The following IDE variants were observed in gnomAD, a reference collection of about 807,000 sequenced individuals.
IDE encodes the protein insulin degrading enzyme.
In IDE, 58 loss-of-function variants were observed where a neutral mutation model predicts 133.2. The ratio of observed to expected loss-of-function variants is 0.44; its 90% CI spans 0.35 to 0.54. The LOEUF (loss-of-function observed/expected upper bound fraction) is 0.54, where lower values mean the gene tolerates loss of function less well. Among genes scored for constraint, IDE ranks in the 20% least tolerant of loss-of-function variants. The probability of loss-of-function intolerance (pLI) is 0.00; values close to 1 mark genes in which losing one functional copy is unlikely to be tolerated. For missense variants in IDE, 981 were observed against 1,234.0 expected (o/e 0.79, Z 3.07); for synonymous variants, 396 against 421.3 (o/e 0.94, Z 0.73).
intron 1 of IDE, among the ~76,000 whole-genome samples, chr10:92,555,945 G>A (rs981484324): frequency 7.3e-5 from 11 of 151,426 alleles, no homozygotes; most frequent in South Asian, 4.2e-4. Flanking sequence ...AGGCCGAGGC[G>A]GGTGGATCAC....
At chr10:92,552,380 G>T (rs895147529) in intron 1 of IDE, among the ~76,000 whole-genome samples, 1 of 152,172 alleles carries the variant, frequency 6.6e-6, no homozygotes, top group Non-Finnish European at 1.5e-5. Flanking sequence ...GGCTACAATT[G>T]TGGTACTAAG....
In IDE at chr10:92,574,030, A is replaced by G; in HGVS notation, c.-11T>C. The G allele has an allele frequency of 6.6e-7, 1 of 1,508,508 alleles. No individual in the cohort carries two copies. Among genetic ancestry groups the G allele is most frequent in the Non-Finnish European group, 8.8e-7 (1 of 1,130,640 alleles). 93.4% of individuals were successfully genotyped at this position (1,508,508 alleles called of 1,614,324 possible). ...TAGCCGGTACCGCATTAGCCAGCGC[A>G]GTCGCCGGGATCACCGCAAACGCTT... On this transcript the variant is annotated 5_prime_UTR_variant, in exon 1 of 25. Transcript: ENST00000265986.
intron 14 of IDE, chr10:92,480,921 T>TA: frequency 1.0e-6 from 1 of 970,502 alleles, no homozygotes; most frequent in Non-Finnish European, 1.2e-6. Context: ...TCAAAGCTGA[T>TA]AAAAAAGCAA....
At chr10:92,536,359 G>A (rs530852700) in intron 2 of IDE, among the ~76,000 whole-genome samples, 3 of 143,640 alleles carry the variant, frequency 2.1e-5, no homozygotes, top group Admixed American at 1.4e-4. Flanking sequence ...CTCCAGCCCG[G>A]ACGACAACAG....
At chr10:92,480,935 TA>T in intron 14 of IDE, 1 of 965,106 alleles carries the variant, frequency 1.0e-6, no homozygotes, top group Non-Finnish European at 1.2e-6. Context: ...AAAGCAAAAA[TA>T]GGGATAAAAT....
intron 2 of IDE, among the ~76,000 whole-genome samples, chr10:92,535,355 G>A (rs1212676840): frequency 6.6e-6 from 1 of 152,208 alleles, no homozygotes; most frequent in East Asian, 1.9e-4. Context: ...CGCCAGCCTC[G>A]GCCTCCCAAA....
At position 92,548,030 on chromosome 10, in the gene IDE, C is replaced by T. The variant is rs901402395; in HGVS notation, c.99-10480G>A. On this transcript the variant is annotated intron_variant, in intron 1 of 24. Coordinates refer to ENST00000265986, the MANE Select transcript of IDE (RefSeq NM_004969.4). ...CCTCCCAAGTAGGATGGTGTGCCAT[C>T]GTGCCCATCTTGGCCTCATCTAGTT... Among the ~76,000 whole-genome samples, 4 of 152,134 alleles carry T rather than the reference C, an allele frequency of 2.6e-5. No individual in the cohort carries two copies. In the East Asian group the frequency reaches 7.7e-4, roughly 29 times the overall value.
chr10:92,502,977 C>T (rs1219411252), intron 11 of IDE, among the ~76,000 whole-genome samples: 1 of 152,204 alleles, frequency 6.6e-6, no homozygotes, highest in Non-Finnish European at 1.5e-5. Flanking sequence ...TTGTAACCTA[C>T]TGGGTACCTC....
chr10:92,537,503 C>T lies in IDE; in HGVS notation c.146G>A (p.Arg49Lys), dbSNP rs747425450. 1.9e-6 allele frequency: 3 copies of T among 1,610,948 alleles called. No homozygotes were observed. The highest frequency in any genetic ancestry group is 2.2e-5 in the South Asian group (2 of 90,024). Reference sequence around the variant, plus strand: ...AGACTTGGTAATGTGATTTCCTATTCTCTTGATGGCTGGATTATTCATTTT... The same window carrying T: ...AGACTTGGTAATGTGATTTCCTATTTTCTTGATGGCTGGATTATTCATTTT... ...YSKMNNPAIKRIGNHITKSPE... is the reference protein window; with the variant it reads ...YSKMNNPAIKKIGNHITKSPE... Residue 49 changes from arginine to lysine, a missense_variant, in exon 2 of 25, where the codon AGA becomes AAA. By Grantham distance (26) the Arg-to-Lys change is conservative. This residue lies in a region of IDE where 321 missense variants were observed against 339.3 expected (regional missense o/e 0.95). Transcript: ENST00000265986.
chr10:92,521,561 G>C (rs1395485040), intron 4 of IDE, among the ~76,000 whole-genome samples: 1 of 152,052 alleles, frequency 6.6e-6, no homozygotes, highest in Non-Finnish European at 1.5e-5. Context: ...GACTGGAGTG[G>C]TGGCTCACTT....
chr10:92,573,037 G>A (rs1843865679), intron 1 of IDE: 1 of 985,416 alleles, frequency 1.0e-6, no homozygotes, highest in Non-Finnish European at 1.2e-6. Context: ...GTAGGTGCTG[G>A]CTATTACTGA....
At chr10:92,475,139 A>G (rs1265010973) in intron 16 of IDE, among the ~76,000 whole-genome samples, 178 bp from the exon 17 acceptor site, 1 of 152,204 alleles carries the variant, frequency 6.6e-6, no homozygotes, top group Non-Finnish European at 1.5e-5. Context: ...TCTTTACATA[A>G]AAGTGCATGC....
chr10:92,567,102 T>C (rs143928430), intron 1 of IDE, among the ~76,000 whole-genome samples: 44 of 152,328 alleles, frequency 2.9e-4, no homozygotes, highest in African/African-American at 1.0e-3. Flanking sequence ...CGCTCAGTCC[T>C]GTCCACTACC....
At chr10:92,516,828 A>C (rs1848954934) in intron 4 of IDE, among the ~76,000 whole-genome samples, 1 of 152,250 alleles carries the variant, frequency 6.6e-6, no homozygotes, top group South Asian at 2.1e-4. Flanking sequence ...TGTACCACTA[A>C]CAGCTCTCAT....
At chr10:92,517,274 T>C (rs1456445873) in intron 4 of IDE, among the ~76,000 whole-genome samples, 1 of 152,204 alleles carries the variant, frequency 6.6e-6, no homozygotes, top group Non-Finnish European at 1.5e-5. Context: ...GCTTAACAGA[T>C]CCAGTGAAGA....
chr10:92,559,507 A>G (rs1045640477), intron 1 of IDE, among the ~76,000 whole-genome samples: 5 of 152,246 alleles, frequency 3.3e-5, no homozygotes, highest in Admixed American at 6.5e-5. Flanking sequence ...GTTAAGTGAA[A>G]GCCAGACACA....
At chr10:92,455,714 T>A in intron 23 of IDE, 71 bp from the exon 24 acceptor site, 2 of 813,574 alleles carry the variant, frequency 2.5e-6, no homozygotes, top group Non-Finnish European at 4.1e-6. Context: ...AAAAAAAAAC[T>A]AAACCAGACT....
chr10:92,537,026 ACT>A (rs1206278511), intron 2 of IDE, among the ~76,000 whole-genome samples: 3 of 151,062 alleles, frequency 2.0e-5, no homozygotes, highest in East Asian at 3.9e-4. Flanking sequence ...GACAGAGTAA[ACT>A]CTGTCTCAAA....
intron 5 of IDE, among the ~76,000 whole-genome samples, chr10:92,510,479 T>C (rs961720129): frequency 6.6e-6 from 1 of 152,180 alleles, no homozygotes; most frequent in African/African-American, 2.4e-5. Context: ...GTTCACCTTA[T>C]ACATAGACAG....
Sources: allele counts gnomAD v4.1 joint callset (sites outside exome capture counted in the v4.1 genomes callset), GRCh38; gene constraint gnomAD v4.1.1; regional missense constraint gnomAD v4.1.1; transcripts MANE v1.5; gene names NCBI Gene and HGNC (gene_info 2026-07-23, HGNC 2026-07-21).